The following STAU2 variants were observed in gnomAD, a reference collection of about 807,000 sequenced individuals.
The protein encoded by STAU2 is double-stranded RNA-binding protein Staufen homolog 2.
STAU2 carries 20 observed loss-of-function variants against 65.9 expected under a neutral mutation model. That is an observed-to-expected ratio of 0.30 (90% CI 0.21 to 0.44). The LOEUF is 0.44. Ranked by LOEUF, STAU2 falls within the 20% of genes least tolerant of loss-of-function variation. The pLI is 1.00. For missense variants in STAU2, 558 were observed against 683.9 expected (o/e 0.82, Z 2.05); for synonymous variants, 232 against 233.9 (o/e 0.99, Z 0.07).
chr8:73,426,333 T>G (rs1048009300), intron 13 of STAU2, among the ~76,000 whole-genome samples: 4 of 152,242 alleles, frequency 2.6e-5, no homozygotes, highest in African/African-American at 9.6e-5. Context: ...ATTCTCCTTC[T>G]AGCTGCTTGA....
In STAU2 at chr8:73,739,826, C is replaced by A; in HGVS notation, c.-154G>T. 1 of 1,487,302 alleles carries A rather than the reference C, an allele frequency of 6.7e-7. No homozygotes were observed. The highest frequency in any genetic ancestry group is 9.0e-7 in the Non-Finnish European group (1 of 1,106,516). The allele number at this position is 1,487,302 out of a possible 1,614,324, so 92.1% of individuals were successfully genotyped here. A position where few individuals can be genotyped will look rare whatever the true frequency, so the allele number is the denominator to read the frequency against. ...CTTTTTCTGTCTTCTTTTTTTTCTT[C>A]AATCTTTAAAAAGTAAGCTAAAGTC... On this transcript the variant is annotated 5_prime_UTR_variant, in exon 2 of 15. An upstream open reading frame in the 5' UTR loses its in-frame stop. Transcript: ENST00000524300.
At chr8:73,484,489 G>C (rs1350880202) in intron 13 of STAU2, among the ~76,000 whole-genome samples, 2 of 152,112 alleles carry the variant, frequency 1.3e-5, no homozygotes, top group African/African-American at 4.8e-5. Context: ...AAATCTTGCA[G>C]AGTAGAACTC....
At chr8:73,441,651 T>C (rs1052920491) in intron 13 of STAU2, 3 of 152,220 alleles carry the variant, frequency 2.0e-5, no homozygotes, top group African/African-American at 7.2e-5. Context: ...TGGAAGAATA[T>C]ATAGCCACCT....
intron 12 of STAU2, among the ~76,000 whole-genome samples, chr8:73,558,865 T>C (rs562156937): frequency 1.3e-4 from 20 of 152,292 alleles, no homozygotes; most frequent in African/African-American, 4.1e-4. Context: ...CTCAACAATG[T>C]TGGACTATAA....
intron 6 of STAU2, among the ~76,000 whole-genome samples, chr8:73,654,436 G>A (rs896433875): frequency 4.6e-5 from 7 of 151,626 alleles, no homozygotes; most frequent in Non-Finnish European, 7.4e-5. Flanking sequence ...AGGATTGTTT[G>A]AGCCCAGGAG....
chr8:73,579,283 CT>C (rs1809815769), intron 12 of STAU2, among the ~76,000 whole-genome samples: 2 of 152,118 alleles, frequency 1.3e-5, no homozygotes, highest in Non-Finnish European at 2.9e-5. Context: ...CTAAATAAAA[CT>C]TTTTAAAAGG....
chr8:73,711,395 T>A (rs936639772), intron 3 of STAU2, among the ~76,000 whole-genome samples: 1 of 152,030 alleles, frequency 6.6e-6, no homozygotes, highest in Non-Finnish European at 1.5e-5. Context: ...CAATTTAATA[T>A]CAAAAAGCAA....
chr8:73,743,378 C>T (rs1287968567), intron 1 of STAU2, among the ~76,000 whole-genome samples: 2 of 151,964 alleles, frequency 1.3e-5, no homozygotes, highest in East Asian at 3.8e-4. Flanking sequence ...CCTACAGTCA[C>T]ATTGCTAGGT....
chr8:73,724,016 T>C (rs1024107691), intron 3 of STAU2, among the ~76,000 whole-genome samples: 4 of 152,220 alleles, frequency 2.6e-5, no homozygotes, highest in Non-Finnish European at 5.9e-5. Flanking sequence ...TTTTATAATT[T>C]ACTAGTTCGC....
intron 6 of STAU2, 30 bp from the exon 7 acceptor site, chr8:73,617,481 T>C (rs771016188): frequency 1.2e-5 from 19 of 1,600,940 alleles, no homozygotes; most frequent in Admixed American, 1.7e-5. Flanking sequence ...ACATTAAAGT[T>C]AGCTTAATAA....
intron 10 of STAU2, among the ~76,000 whole-genome samples, chr8:73,600,525 T>C (rs1811559260): frequency 1.3e-5 from 2 of 152,222 alleles, no homozygotes; most frequent in Admixed American, 1.3e-4. Flanking sequence ...GATAATCTAC[T>C]CAAATCCCTG....
At chr8:73,477,181 T>C (rs1820367163) in intron 13 of STAU2, among the ~76,000 whole-genome samples, 1 of 151,486 alleles carries the variant, frequency 6.6e-6, no homozygotes, top group Non-Finnish European at 1.5e-5. Context: ...AGGGGAAGAG[T>C]TGGGGCTACA....
chr8:73,537,872 A>T (rs1045414664), intron 13 of STAU2, among the ~76,000 whole-genome samples: 1 of 152,208 alleles, frequency 6.6e-6, no homozygotes, highest in African/African-American at 2.4e-5. Context: ...TGTGGTTCTA[A>T]AAGCATGTAG....
At chr8:73,527,594 A>C in intron 13 of STAU2, 1 of 849,796 alleles carries the variant, frequency 1.2e-6, no homozygotes, top group Non-Finnish European at 1.8e-6. Context: ...TGTATTAAGG[A>C]AAGCAAAGCT....
At chr8:73,708,908 G>A (rs1292199214) in intron 4 of STAU2, 124 bp downstream of exon 4, 1 of 837,318 alleles carries the variant, frequency 1.2e-6, no homozygotes, top group Non-Finnish European at 1.6e-6. Context: ...TATTAATGTA[G>A]AACTAAAAGC....
At chr8:73,629,425 T>C (rs569924274) in intron 6 of STAU2, among the ~76,000 whole-genome samples, 33 of 152,324 alleles carry the variant, frequency 2.2e-4, no homozygotes, top group African/African-American at 7.5e-4. Context: ...CTTTATCCTC[T>C]CACCTGCGAT....
At chr8:73,505,945 C>T (rs1009607534) in intron 13 of STAU2, among the ~76,000 whole-genome samples, 1 of 151,998 alleles carries the variant, frequency 6.6e-6, no homozygotes, top group Non-Finnish European at 1.5e-5. Flanking sequence ...CACCTCCTCC[C>T]TCTCTCTCTT....
chr8:73,450,717 C>T (rs1448572708), intron 13 of STAU2, among the ~76,000 whole-genome samples: 1 of 152,196 alleles, frequency 6.6e-6, no homozygotes, highest in African/African-American at 2.4e-5. Context: ...TGCCTTCAAT[C>T]TTGGGTGTGT....
intron 5 of STAU2, among the ~76,000 whole-genome samples, chr8:73,683,196 T>C (rs141362641): frequency 3.9e-4 from 59 of 152,210 alleles, no homozygotes; most frequent in African/African-American, 1.1e-3. Context: ...CTGATGAACA[T>C]AGATGCAAAA....
Sources: allele counts gnomAD v4.1 joint callset (sites outside exome capture counted in the v4.1 genomes callset), GRCh38; gene constraint gnomAD v4.1.1; transcripts MANE v1.5; gene names NCBI Gene and HGNC (gene_info 2026-07-23, HGNC 2026-07-21).